TRA2B: variants seen among roughly 807,000 people sequenced by gnomAD.
TRA2B encodes transformer-2 protein homolog beta.
A neutral mutation model predicts 41.7 loss-of-function variants in TRA2B; 14 were observed. The observed-to-expected ratio is 0.34, with a 90% confidence interval of 0.22 to 0.53. The LOEUF (loss-of-function observed/expected upper bound fraction) is 0.53. TRA2B is among the 20% of genes least tolerant of loss of function. TRA2B has a pLI of 0.95. For synonymous variants in TRA2B, 130 were observed against 128.8 expected (o/e 1.01, Z -0.06); for missense variants, 167 against 396.8 (o/e 0.42, Z 4.92).
In TRA2B at chr3:185,925,553, G is replaced by A; in HGVS notation, c.244C>T (p.Arg82Cys). The A allele has an allele frequency of 3.1e-6, 5 of 1,614,194 alleles. No individual in the cohort carries two copies. Among genetic ancestry groups the A allele is most frequent in the Non-Finnish European group, 4.2e-6 (5 of 1,180,040 alleles). Residue 82 changes from arginine (R) to cysteine (C), a missense_variant, in exon 3 of 9, where the codon CGT becomes TGT. By Grantham distance (180) the Arg-to-Cys change is radical. Coordinates refer to ENST00000453386, the MANE Select transcript of TRA2B (RefSeq NM_004593.3). ...RSRSRSHRRS[R>C]SRSYSRDYRR... is the part of the protein sequence containing the mutation. The stretch of plus-strand genomic sequence containing the variant: ...TAATCTCGACTGTAAGACCTGCTAC[G>A]TGATCGTCTATGGGAGCGGGAGCGA...
At chr3:185,921,952 A>G in intron 5 of TRA2B, 59 bp downstream of exon 5, 1 of 1,289,700 alleles carries the variant, frequency 7.8e-7, no homozygotes, top group Non-Finnish European at 1.1e-6. Context: ...CCACTAATAC[A>G]AGTGTTTCTT....
At chr3:185,930,262 G>A (rs762250455) in intron 1 of TRA2B, among the ~76,000 whole-genome samples, 1 of 152,092 alleles carries the variant, frequency 6.6e-6, no homozygotes, top group Non-Finnish European at 1.5e-5. Flanking sequence ...GAATTAAAAT[G>A]TAATATTCAT....
chr3:185,937,524 C>G, intron 1 of TRA2B: 1 of 1,027,396 alleles, frequency 9.7e-7, no homozygotes, highest in Non-Finnish European at 1.2e-6. Context: ...CGCTCCCCTC[C>G]CCCAACACCG....
rs1425164148 is a variant in TRA2B, at chr3:185,930,736, A to G, written c.37-4002T>C. On this transcript the variant is annotated intron_variant, in intron 1 of 8. Coordinates refer to ENST00000453386, the MANE Select transcript of TRA2B (RefSeq NM_004593.3). ...AGCTTTTGGGTTGAATTTCTCAATA[A>G]GTGCAAGGGATACCAGGTAACCAGA... Among the ~76,000 whole-genome samples, 4 of 152,204 alleles carry G rather than the reference A, an allele frequency of 2.6e-5. No individual in the cohort carries two copies. The East Asian group carries it at 7.7e-4, about 29-fold the overall frequency.
chr3:185,925,428 G>A (rs1260383043), intron 3 of TRA2B, 36 bp downstream of exon 3: 1 of 1,602,272 alleles, frequency 6.2e-7, no homozygotes, highest in Admixed American at 1.7e-5. Flanking sequence ...GTAAATTTAG[G>A]CAGTTGACTG....
At chr3:185,922,726 T>C (rs1217628148) in intron 4 of TRA2B, 1 of 152,198 alleles carries the variant, frequency 6.6e-6, no homozygotes. Context: ...GTACATATAG[T>C]TCCTTTTCCC....
rs140533681 is a variant in TRA2B, at chr3:185,922,343, C to G, written c.523-217G>C. 3.5e-3 allele frequency: 1,365 copies of G among 385,962 alleles called. 19 individuals carry two copies. The highest frequency in any genetic ancestry group is 0.026 in the African/African-American group (1,262 of 48,370). The allele number at this position is 385,962 out of a possible 1,614,324, so 23.9% of individuals were successfully genotyped here. On this transcript the variant is annotated intron_variant, in intron 4 of 8. Coordinates refer to ENST00000453386, the MANE Select transcript of TRA2B (RefSeq NM_004593.3). ...TAAAAACTTGAAACAATTATTTTAC[C>G]TAACTATGATCCTGACAGTATTTCC...
intron 1 of TRA2B, chr3:185,926,954 A>T (rs907854148): frequency 2.0e-6 from 1 of 504,220 alleles, no homozygotes; most frequent in African/African-American, 2.0e-5. Flanking sequence ...TGGAGCAGGG[A>T]TAAGAGTTAT....
At position 185,936,676 on chromosome 3, in the gene TRA2B, G is replaced by GTT. The variant is rs35441764; in HGVS notation, c.36+1147_36+1148dup. 4.4e-3 allele frequency: 3,588 copies of GTT among 812,762 alleles called. 1 individual carries two copies. Among genetic ancestry groups the GTT allele is most frequent in the South Asian group, 5.7e-3 (100 of 17,400 alleles). 50.3% of individuals were successfully genotyped at this position (812,762 alleles called of 1,614,324 possible). A position where few individuals can be genotyped will look rare whatever the true frequency, so the allele number is the denominator to read the frequency against. ...CAAGGGGAAACTTAGGTAACAAATT[G>GTT]TTTTTTTTTTTTAAAAAAGCACAAA... On this transcript the variant is annotated intron_variant, in intron 1 of 8. Transcript: ENST00000453386.
At chr3:185,935,404 A>G (rs1578489033) in intron 1 of TRA2B, 3 of 985,408 alleles carry the variant, frequency 3.0e-6, no homozygotes, top group Non-Finnish European at 3.6e-6. Context: ...AGTTCTTTAA[A>G]TGTCATTATA....
intron 4 of TRA2B, chr3:185,922,802 G>C (rs377521145): frequency 5.3e-5 from 8 of 152,166 alleles, no homozygotes; most frequent in African/African-American, 1.7e-4. Context: ...ATTAAAGTTT[G>C]TTCATAATTT....
chr3:185,936,841 A>G (rs1347064297), intron 1 of TRA2B: 1 of 985,278 alleles, frequency 1.0e-6, no homozygotes, highest in Non-Finnish European at 1.2e-6. Context: ...CCCACAGACC[A>G]GCTACGTATG....
At position 185,937,065 on chromosome 3, in the gene TRA2B, A is replaced by T. The variant is rs1030349698; in HGVS notation, c.36+760T>A. Reference sequence around the variant, plus strand: ...TCCCGTGGAAATGCGATGTCCACAAAATCATCTTAACGACTTTGTGGTCTG... The same window carrying T: ...TCCCGTGGAAATGCGATGTCCACAATATCATCTTAACGACTTTGTGGTCTG... On this transcript the variant is annotated intron_variant, in intron 1 of 8. Coordinates refer to ENST00000453386, the MANE Select transcript of TRA2B (RefSeq NM_004593.3). 31 of 985,436 alleles carry T rather than the reference A, an allele frequency of 3.1e-5. No homozygotes were observed. In the African/African-American group the frequency reaches 5.4e-4, roughly 17 times the overall value. The allele number at this position is 985,436 out of a possible 1,614,324, so 61.0% of individuals were successfully genotyped here. A position where few individuals can be genotyped will look rare whatever the true frequency, so the allele number is the denominator to read the frequency against.
intron 8 of TRA2B, 115 bp downstream of exon 8, chr3:185,918,250 G>C (rs1743578223): frequency 4.3e-6 from 3 of 700,164 alleles, no homozygotes; most frequent in Admixed American, 2.6e-5. Context: ...GATGTGTGGA[G>C]AATCATTAGG....
intron 6 of TRA2B, among the ~76,000 whole-genome samples, chr3:185,920,317 A>G (rs1410172784): frequency 6.6e-6 from 1 of 152,204 alleles, no homozygotes; most frequent in African/African-American, 2.4e-5. Flanking sequence ...TTTATAAGCC[A>G]TTATAAATTT....
intron 1 of TRA2B, chr3:185,936,374 C>T: frequency 1.0e-6 from 1 of 985,336 alleles, no homozygotes; most frequent in Non-Finnish European, 1.2e-6. Flanking sequence ...AAATCTAAAA[C>T]ACTCGTGACA....
intron 1 of TRA2B, among the ~76,000 whole-genome samples, chr3:185,929,763 CA>C (rs1328188243): frequency 6.6e-6 from 1 of 152,178 alleles, no homozygotes; most frequent in East Asian, 1.9e-4. Context: ...AATAGTGGCT[CA>C]TAAACACTGC....
At chr3:185,934,344 A>G in intron 1 of TRA2B, 1 of 985,378 alleles carries the variant, frequency 1.0e-6, no homozygotes, top group Non-Finnish European at 1.2e-6. Flanking sequence ...AGGAGGAAAA[A>G]ACGCTATGTA....
At chr3:185,937,247 G>C in intron 1 of TRA2B, 1 of 986,066 alleles carries the variant, frequency 1.0e-6, no homozygotes, top group Non-Finnish European at 1.2e-6. Context: ...ATCTTAAGAG[G>C]CCCCAAAGAC....
Sources: gnomAD v4.1 joint callset for allele counts (sites outside exome capture counted in the v4.1 genomes callset) on GRCh38, gnomAD v4.1.1 for gene constraint, MANE v1.5 for transcripts, NCBI Gene and HGNC (gene_info 2026-07-23, HGNC 2026-07-21) for gene names.